Variants in MNDA observed in about 807,000 individuals in gnomAD.
The protein encoded by MNDA is myeloid cell nuclear differentiation antigen.
A neutral mutation model predicts 37.8 loss-of-function variants in MNDA; 43 were observed. That is an observed-to-expected ratio of 1.14 (90% CI 0.89 to 1.47). MNDA has a LOEUF of 1.47. Among genes scored for constraint, MNDA ranks in the 40% most tolerant of loss-of-function variants. The probability of loss-of-function intolerance (pLI) is 0.00; values close to 1 mark genes in which losing one functional copy is unlikely to be tolerated. For synonymous variants in MNDA, 181 were observed against 169.0 expected (o/e 1.07, Z -0.55); for missense variants, 536 against 476.0 (o/e 1.13, Z -1.17).
chr1:158,833,085 T>C (rs760394882), intron 1 of MNDA, among the ~76,000 whole-genome samples: 4 of 152,132 alleles, frequency 2.6e-5, no homozygotes, highest in Non-Finnish European at 4.4e-5. Flanking sequence ...ACTTCACCTG[T>C]TAAGAGTATG....
intron 1 of MNDA, among the ~76,000 whole-genome samples, chr1:158,833,349 A>G (rs1486371109): frequency 1.3e-5 from 2 of 152,210 alleles, no homozygotes; most frequent in Non-Finnish European, 2.9e-5. Context: ...GTAACATAAA[A>G]TGTGTCATCT....
At chr1:158,839,578 T>C (rs554907633) in intron 1 of MNDA, among the ~76,000 whole-genome samples, 2 of 152,270 alleles carry the variant, frequency 1.3e-5, no homozygotes, top group African/African-American at 4.8e-5. Context: ...TACTAGTCCC[T>C]CAAGGAACCT....
intron 1 of MNDA, among the ~76,000 whole-genome samples, chr1:158,833,183 C>G (rs1304063840): frequency 1.3e-5 from 2 of 152,102 alleles, no homozygotes; most frequent in Non-Finnish European, 2.9e-5. Context: ...TTTGCTTGAT[C>G]TTTCTTCCCT....
rs754569379 is a variant in MNDA, at chr1:158,846,009, C to A, written c.987+6C>A. 1.3e-6 allele frequency: 2 copies of A among 1,571,892 alleles called. No individual in the cohort carries two copies. Among genetic ancestry groups the A allele is most frequent in the East Asian group, 2.3e-5 (1 of 44,362 alleles). ...GGTTGTTTATGTTACAAAAGGTAAA[C>A]CCTTAATTTTGTTTTAATTTTCTCT... On this transcript the variant is annotated splice_donor_region_variant and intron_variant, in intron 5 of 6. Transcript: ENST00000368141.
At chr1:158,849,125 A>G (rs1659199915) in intron 6 of MNDA, 65 bp from the exon 7 acceptor site, 1 of 1,259,664 alleles carries the variant, frequency 7.9e-7, no homozygotes, top group Non-Finnish European at 1.1e-6. Flanking sequence ...TGAAAGGAGA[A>G]CTATAAGCAG....
chr1:158,842,038 C>A, intron 1 of MNDA, 96 bp from the exon 2 acceptor site: 2 of 1,038,650 alleles, frequency 1.9e-6, no homozygotes, highest in Non-Finnish European at 2.8e-6. Context: ...CCAAGGACAA[C>A]ATTTTGGCCT....
At chr1:158,838,524 TTGAG>T (rs1338143342) in intron 1 of MNDA, among the ~76,000 whole-genome samples, 1 of 152,112 alleles carries the variant, frequency 6.6e-6, no homozygotes, top group Non-Finnish European at 1.5e-5. Flanking sequence ...CTTTTCGTCT[TTGAG>T]TGTTGGTAAT....
intron 1 of MNDA, among the ~76,000 whole-genome samples, chr1:158,834,293 C>A (rs1048331525): frequency 1.4e-5 from 2 of 142,184 alleles, no homozygotes; most frequent in Non-Finnish European, 3.0e-5. Context: ...AGTGCAGTGG[C>A]GCGATCTCGA....
rs762640389 is a variant in MNDA at position 158,847,744 on chromosome 1, AG to A, written c.1005del (p.Asn336ThrfsTer15). ...CTTTTGCAGAAAAGCGTACACAAGA[AG>A]AACACAATTTATGAAATACAGGATA... ...FMLQKKSVHK[K>X]NTIYEIQDNT... is the part of the protein sequence containing the mutation. On this transcript the variant is annotated frameshift_variant, in exon 6 of 7. Transcript: ENST00000368141. LOFTEE classifies it high-confidence loss of function. 4.2e-5 allele frequency: 68 copies of A among 1,612,622 alleles called. No individual in the cohort carries two copies. In the East Asian group the frequency reaches 1.5e-3, roughly 35 times the overall value.
At position 158,831,363 on chromosome 1, in the gene MNDA, C is replaced by A. The variant is rs1430491034; in HGVS notation, c.-215C>A. 1 of 152,172 alleles carries A rather than the reference C, an allele frequency of 6.6e-6. No homozygotes were observed. The highest frequency in any genetic ancestry group is 1.5e-5 in the Non-Finnish European group (1 of 68,022). 9.4% of individuals were successfully genotyped at this position (152,172 alleles called of 1,614,324 possible). A position where few individuals can be genotyped will look rare whatever the true frequency, so the allele number is the denominator to read the frequency against. On this transcript the variant is annotated 5_prime_UTR_variant, in exon 1 of 7. Coordinates refer to ENST00000368141, the MANE Select transcript of MNDA (RefSeq NM_002432.3). Reference sequence around the variant, plus strand: ...TAGGAATTAGGACAGTGTAAGAAGGCCATCTACAATCAAGATTGAGAGTGG... The same window carrying A: ...TAGGAATTAGGACAGTGTAAGAAGGACATCTACAATCAAGATTGAGAGTGG...
intron 3 of MNDA, among the ~76,000 whole-genome samples, chr1:158,843,666 A>G (rs1311903156): frequency 4.6e-5 from 7 of 152,344 alleles, no homozygotes; most frequent in South Asian, 2.1e-4. Context: ...CCATCCTTAC[A>G]CAAATCTAGA....
At chr1:158,848,288 C>T (rs928946716) in intron 6 of MNDA, among the ~76,000 whole-genome samples, 9 of 152,128 alleles carry the variant, frequency 5.9e-5, no homozygotes, top group Non-Finnish European at 1.2e-4. Flanking sequence ...TGGAAGTCTC[C>T]ACTTCATTGG....
At position 158,831,549 on chromosome 1, in the gene MNDA, T is replaced by G. The variant is rs1409366292; in HGVS notation, c.-29T>G. ...TCTGAAGACTATTGTGGAAGAAGCA[T>G]CCATTAAGGTGAGATTTCTGGGAAG... On this transcript the variant is annotated 5_prime_UTR_variant, in exon 1 of 7. Transcript: ENST00000368141. 1 of 152,292 alleles carries G rather than the reference T, an allele frequency of 6.6e-6. No homozygotes were observed. Among genetic ancestry groups the G allele is most frequent in the South Asian group, 2.1e-4 (1 of 4,832 alleles). The allele number at this position is 152,292 out of a possible 1,614,324, so 9.4% of individuals were successfully genotyped here. A position where few individuals can be genotyped will look rare whatever the true frequency, so the allele number is the denominator to read the frequency against.
rs1659127330 is a variant in MNDA, at chr1:158,846,015, A to C, written c.987+12A>C. 6.4e-7 allele frequency: 1 copy of C among 1,567,278 alleles called. No homozygotes were observed. Among genetic ancestry groups the C allele is most frequent in the Non-Finnish European group, 8.6e-7 (1 of 1,158,686 alleles). ...TTATGTTACAAAAGGTAAACCCTTA[A>C]TTTTGTTTTAATTTTCTCTACCATT... On this transcript the variant is annotated intron_variant, in intron 5 of 6. Coordinates refer to ENST00000368141, the MANE Select transcript of MNDA (RefSeq NM_002432.3).
At chr1:158,838,267 G>A (rs1374226528) in intron 1 of MNDA, among the ~76,000 whole-genome samples, 2 of 151,942 alleles carry the variant, frequency 1.3e-5, no homozygotes, top group African/African-American at 2.4e-5. Flanking sequence ...TTTTAAGGTA[G>A]ATATAGTGGT....
intron 1 of MNDA, among the ~76,000 whole-genome samples, chr1:158,837,909 A>G (rs1236532612): frequency 6.6e-6 from 1 of 151,756 alleles, no homozygotes; most frequent in African/African-American, 2.4e-5. Flanking sequence ...ATCAGGTTGC[A>G]TATGATATTC....
intron 1 of MNDA, among the ~76,000 whole-genome samples, chr1:158,835,462 A>G (rs770436130): frequency 1.3e-5 from 2 of 152,130 alleles, no homozygotes; most frequent in East Asian, 3.9e-4. Context: ...GATTCCTGTA[A>G]CTTTGCTGGA....
In MNDA at chr1:158,845,600, A is replaced by C; in HGVS notation, c.584A>C (p.Gln195Pro). ...NTSFTPNQET[Q>P]AQRQVDARRN... is the part of the protein sequence containing the mutation. ...TGCCCAACACAGAATCAGGAAACCC[A>C]GGCCCAACGGCAGGTGGATGCAAGA... The change falls in exon 5 of 7, where the codon CAG (glutamine) becomes CCG (proline). Residue 195 changes from glutamine (Q) to proline (P), a missense_variant. Coordinates refer to ENST00000368141, the MANE Select transcript of MNDA (RefSeq NM_002432.3). 6.2e-7 allele frequency: 1 copy of C among 1,611,494 alleles called. No individual in the cohort carries two copies. Among genetic ancestry groups the C allele is most frequent in the Non-Finnish European group, 8.5e-7 (1 of 1,178,816 alleles).
In MNDA at chr1:158,845,845, G is replaced by A; in HGVS notation, c.829G>A (p.Val277Ile). 2 of 1,614,154 alleles carry A rather than the reference G, an allele frequency of 1.2e-6. No individual in the cohort carries two copies. Among genetic ancestry groups the A allele is most frequent in the African/African-American group, 1.3e-5 (1 of 75,030 alleles). ...TISDYSECKG[V>I]MEIKEASSVS... is the part of the protein sequence containing the mutation. ...ATCTGATTACTCTGAATGTAAAGGA[G>A]TAATGGAAATAAAGGAAGCATCATC... is the stretch of plus-strand genomic sequence containing the variant. Residue 277 changes from valine (V) to isoleucine (I), a missense_variant, in exon 5 of 7, where the codon GTA becomes ATA. Transcript: ENST00000368141.
Sources: allele counts gnomAD v4.1 joint callset (sites outside exome capture counted in the v4.1 genomes callset), GRCh38; gene constraint gnomAD v4.1.1; transcripts MANE v1.5; gene names NCBI Gene and HGNC (gene_info 2026-07-23, HGNC 2026-07-21).